Variants in SETD7 observed in about 807,000 individuals in gnomAD.
The protein encoded by SETD7 is SET domain containing 7, histone lysine methyltransferase, also known as histone-lysine N-methyltransferase SETD7.
A neutral mutation model predicts 41.8 loss-of-function variants in SETD7; 16 were observed. The ratio of observed to expected loss-of-function variants is 0.38; its 90% CI spans 0.26 to 0.58. The LOEUF (loss-of-function observed/expected upper bound fraction) is 0.58, where lower values mean the gene tolerates loss of function less well. SETD7 is among the 20% of genes least tolerant of loss of function. SETD7 has a pLI of 0.64. For synonymous variants in SETD7, 163 were observed against 169.7 expected, an observed-to-expected ratio of 0.96 and a Z score of 0.31; for missense variants, 346 against 459.7, an observed-to-expected ratio of 0.75 and a Z score of 2.26.
At chr4:139,494,581 C>T (rs1161030204), downstream of SETD7, among the ~76,000 whole-genome samples, 6 of 152,154 alleles carry the variant, frequency 3.9e-5, no homozygotes, top group African/African-American at 1.4e-4. Context: ...GCATGTACCC[C>T]AGGGGATATG....
intron 2 of SETD7, 95 bp from the exon 3 acceptor site, chr4:139,533,461 T>G: frequency 9.4e-7 from 1 of 1,058,718 alleles, no homozygotes; most frequent in Non-Finnish European, 1.4e-6. Context: ...TGCCCAGCTG[T>G]GTCAGCCCTG....
chr4:139,500,294 A>G (rs1726542764), intron 7 of SETD7, among the ~76,000 whole-genome samples: 1 of 151,942 alleles, frequency 6.6e-6, no homozygotes, highest in Non-Finnish European at 1.5e-5. Flanking sequence ...CCTGCCCACC[A>G]TCATCATGAA....
At chr4:139,533,457 G>A in intron 2 of SETD7, 91 bp from the exon 3 acceptor site, 1 of 1,100,736 alleles carries the variant, frequency 9.1e-7, no homozygotes, top group Non-Finnish European at 1.3e-6. Flanking sequence ...TGCATGCCCA[G>A]CTGTGTCAGC....
At chr4:139,545,888 C>T (rs1328957460) in intron 2 of SETD7, among the ~76,000 whole-genome samples, 1 of 152,146 alleles carries the variant, frequency 6.6e-6, no homozygotes, top group Non-Finnish European at 1.5e-5. Context: ...TCCATTTTAC[C>T]CAACCAACGG....
chr4:139,545,842 T>C (rs998743360), intron 2 of SETD7, among the ~76,000 whole-genome samples: 1 of 152,240 alleles, frequency 6.6e-6, no homozygotes, highest in African/African-American at 2.4e-5. Flanking sequence ...TGCGGTATCC[T>C]ACAGAATCCT....
downstream of SETD7, among the ~76,000 whole-genome samples, chr4:139,493,538 C>T (rs1332776808): frequency 1.3e-5 from 2 of 150,732 alleles, no homozygotes; most frequent in South Asian, 2.1e-4. Context: ...ATGTACTTTA[C>T]TATTTTTTTT....
chr4:139,528,916 T>C, intron 4 of SETD7, 115 bp downstream of exon 4: 1 of 918,756 alleles, frequency 1.1e-6, no homozygotes, highest in East Asian at 2.5e-5. Context: ...ACCTGACTAA[T>C]AAACACGATT....
chr4:139,504,704 G>A (rs1726660670), downstream of SETD7, among the ~76,000 whole-genome samples: 1 of 152,150 alleles, frequency 6.6e-6, no homozygotes, highest in Non-Finnish European at 1.5e-5. Flanking sequence ...CCCAAAGGCA[G>A]ATATTGGTAA....
chr4:139,532,494 T>C (rs762335033), intron 3 of SETD7: 6 of 152,446 alleles, frequency 3.9e-5, no homozygotes, highest in Non-Finnish European at 7.3e-5. Context: ...GTGTATTTTC[T>C]GTAACATTTT....
chr4:139,519,795 T>A (rs1032902456), intron 6 of SETD7, among the ~76,000 whole-genome samples: 1 of 152,246 alleles, frequency 6.6e-6, no homozygotes, highest in Non-Finnish European at 1.5e-5. Flanking sequence ...AAAACATATA[T>A]GAAGCCTTTG....
intron 4 of SETD7, among the ~76,000 whole-genome samples, chr4:139,528,135 C>CA (rs1380187686): frequency 1.3e-5 from 2 of 152,150 alleles, no homozygotes; most frequent in Non-Finnish European, 2.9e-5. Flanking sequence ...ACTCAAAATG[C>CA]AAAATCTTGA....
At chr4:139,544,758 A>G (rs903608343) in intron 2 of SETD7, among the ~76,000 whole-genome samples, 5 of 151,458 alleles carry the variant, frequency 3.3e-5, no homozygotes, top group African/African-American at 7.3e-5. Flanking sequence ...CCCAGAGTCA[A>G]TCAGTTACTG....
exon 8 of SETD7, chr4:139,496,071 A>G: frequency 3.8e-6 from 1 of 261,442 alleles, no homozygotes; most frequent in Non-Finnish European, 7.2e-6. Context: ...ATCTACACCC[A>G]CACTTCACTT....
At chr4:139,494,510 A>G (rs1479741718), downstream of SETD7, among the ~76,000 whole-genome samples, 1 of 152,212 alleles carries the variant, frequency 6.6e-6, no homozygotes, top group Non-Finnish European at 1.5e-5. Flanking sequence ...TAAATCAATA[A>G]ACAGTGTCTT....
At chr4:139,498,969 T>G (rs1726518257) in intron 7 of SETD7, among the ~76,000 whole-genome samples, 1 of 152,054 alleles carries the variant, frequency 6.6e-6, no homozygotes, top group South Asian at 2.1e-4. Context: ...AAATTAGGCA[T>G]GATAATTGTT....
chr4:139,502,613 A>G (rs1726607725), downstream of SETD7, among the ~76,000 whole-genome samples: 1 of 152,236 alleles, frequency 6.6e-6, no homozygotes, highest in African/African-American at 2.4e-5. Flanking sequence ...AGTAGTCGAA[A>G]GCCCAGCGTC....
intron 4 of SETD7, among the ~76,000 whole-genome samples, chr4:139,527,425 G>A (rs1347323339): frequency 5.3e-5 from 8 of 152,124 alleles, no homozygotes; most frequent in Admixed American, 5.2e-4. Context: ...GGGCATTGTG[G>A]TGCATGCCTG....
At chr4:139,548,007 C>T (rs574117494) in intron 1 of SETD7, 193 of 152,338 alleles carry the variant, frequency 1.3e-3, no homozygotes, top group African/African-American at 4.1e-3. Flanking sequence ...TTTTACAAAA[C>T]CCAGGAATCA....
At chr4:139,541,951 C>T (rs189842396) in intron 2 of SETD7, among the ~76,000 whole-genome samples, 22 of 152,262 alleles carry the variant, frequency 1.4e-4, no homozygotes, top group Middle Eastern at 3.4e-3. Context: ...ATGTTTATTG[C>T]ACTATTCACA....
Sources: allele counts gnomAD v4.1 joint callset (sites outside exome capture counted in the v4.1 genomes callset), GRCh38; gene constraint gnomAD v4.1.1; transcripts MANE v1.5; gene names NCBI Gene and HGNC (gene_info 2026-07-23, HGNC 2026-07-21).